MIGA1: variants seen among roughly 807,000 people sequenced by gnomAD.
The protein encoded by MIGA1 is family with sequence similarity 73, member A.
Under a neutral mutation model 82.0 loss-of-function variants are expected in MIGA1, and 58 were observed. That is an observed-to-expected ratio of 0.71 (90% CI 0.57 to 0.88). The LOEUF is 0.88. Among genes scored for constraint, MIGA1 ranks in the 40% least tolerant of loss-of-function variants. The probability of loss-of-function intolerance (pLI) is 0.00; values close to 1 mark genes in which losing one functional copy is unlikely to be tolerated. For missense variants in MIGA1, 751 were observed against 749.1 expected, an observed-to-expected ratio of 1.00 and a Z score of -0.03; for synonymous variants, 249 against 253.6, an observed-to-expected ratio of 0.98 and a Z score of 0.17.
chr1:77,800,775 T>G (rs912862814), intron 2 of MIGA1, among the ~76,000 whole-genome samples: 1 of 152,220 alleles, frequency 6.6e-6, no homozygotes, highest in Non-Finnish European at 1.5e-5. Context: ...TAGTGCTTCC[T>G]GATTGGTTGT....
intron 14 of MIGA1, among the ~76,000 whole-genome samples, chr1:77,870,080 C>T (rs1238977306): frequency 1.5e-4 from 17 of 114,462 alleles, no homozygotes; most frequent in Non-Finnish European, 2.3e-4. Context: ...GGCGGCTGGC[C>T]GGGCGGGGGG....
rs1018332773 is a variant in MIGA1, at chr1:77,814,865, A to G, written c.772-243A>G. ...AAGGACCTTACTTTGAGAACTGCCA[A>G]TCTAGTCTAACTCCTTAATTTTATA... On this transcript the variant is annotated intron_variant, in intron 6 of 15. Coordinates refer to ENST00000370791, the MANE Select transcript of MIGA1 (RefSeq NM_198549.4). Among the ~76,000 whole-genome samples, 4 of 152,182 alleles carry G rather than the reference A, an allele frequency of 2.6e-5. No individual in the cohort carries two copies. In the East Asian group the frequency reaches 5.8e-4, roughly 22 times the overall value.
At chr1:77,838,239 A>G (rs905722365) in intron 7 of MIGA1, among the ~76,000 whole-genome samples, 2 of 152,208 alleles carry the variant, frequency 1.3e-5, no homozygotes, top group African/African-American at 4.8e-5. Flanking sequence ...AACATTGCCA[A>G]CTTTCAAGAT....
chr1:77,861,653 G>T, intron 12 of MIGA1: 1 of 228,060 alleles, frequency 4.4e-6, no homozygotes, highest in Non-Finnish European at 8.6e-6. Flanking sequence ...GGACAGCTTT[G>T]GGTAGTACAA....
At chr1:77,783,900 A>C (rs531444763) in intron 2 of MIGA1, among the ~76,000 whole-genome samples, 1 of 152,328 alleles carries the variant, frequency 6.6e-6, no homozygotes, top group South Asian at 2.1e-4. Context: ...GTACCTCACA[A>C]GTAGAACCCT....
intron 2 of MIGA1, among the ~76,000 whole-genome samples, chr1:77,786,106 C>T (rs562249690): frequency 6.6e-6 from 1 of 152,370 alleles, no homozygotes; most frequent in East Asian, 1.9e-4. Context: ...GCAGCCTCAA[C>T]ACCATGTGGA....
intron 14 of MIGA1, among the ~76,000 whole-genome samples, chr1:77,869,148 AC>A (rs1685795170): frequency 6.7e-6 from 1 of 148,232 alleles, no homozygotes; most frequent in African/African-American, 2.5e-5. Flanking sequence ...ATGACTCTTA[AC>A]GAGCATGCTG....
intron 12 of MIGA1, chr1:77,862,209 G>T (rs1280748521): frequency 1.3e-5 from 2 of 148,550 alleles, no homozygotes; most frequent in Non-Finnish European, 3.0e-5. Flanking sequence ...CACTTTGGGA[G>T]GCTGAGGCGG....
At chr1:77,792,203 A>T (rs956812582) in intron 2 of MIGA1, among the ~76,000 whole-genome samples, 1 of 152,234 alleles carries the variant, frequency 6.6e-6, no homozygotes, top group Non-Finnish European at 1.5e-5. Context: ...TATGGGAAAC[A>T]TAAGAGTAAC....
At chr1:77,855,919 C>G (rs961567642) in intron 8 of MIGA1, among the ~76,000 whole-genome samples, 2 of 152,052 alleles carry the variant, frequency 1.3e-5, no homozygotes, top group Admixed American at 1.3e-4. Flanking sequence ...GCTAGGTCTT[C>G]CAGTACTATG....
intron 8 of MIGA1, among the ~76,000 whole-genome samples, chr1:77,845,492 TAA>T (rs918006838): frequency 1.3e-5 from 2 of 152,184 alleles, no homozygotes; most frequent in Admixed American, 6.5e-5. Context: ...TATTGTTTAA[TAA>T]AGTTTAATAA....
intron 7 of MIGA1, among the ~76,000 whole-genome samples, 190 bp downstream of exon 7, chr1:77,815,421 T>G (rs866495701): frequency 5.9e-5 from 9 of 152,206 alleles, no homozygotes; most frequent in African/African-American, 2.2e-4. Flanking sequence ...CTAATGCCCT[T>G]AAGATACAAA....
Position 77,877,745 on chromosome 1 carries a change from A to G in MIGA1, c.*2681A>G, listed in dbSNP as rs1053310267. The G allele has an allele frequency of 6.5e-6, 1 of 152,690 alleles. No individual in the cohort carries two copies. Among genetic ancestry groups the G allele is most frequent in the Non-Finnish European group, 1.5e-5 (1 of 68,046 alleles). 9.5% of individuals were successfully genotyped at this position (152,690 alleles called of 1,614,324 possible). On this transcript the variant is annotated 3_prime_UTR_variant, in exon 16 of 16. Coordinates refer to ENST00000370791, the MANE Select transcript of MIGA1 (RefSeq NM_198549.4). ...AATTGCACTATTTGATAATGCTGCT[A>G]CTACATGAGATAACTCTGGGGAATT...
At chr1:77,866,982 T>C (rs1424057720) in intron 14 of MIGA1, among the ~76,000 whole-genome samples, 1 of 152,036 alleles carries the variant, frequency 6.6e-6, no homozygotes, top group Non-Finnish European at 1.5e-5. Context: ...ACCTGGCCAG[T>C]ATTTTTTTAC....
At chr1:77,841,255 A>C (rs1054957889) in intron 7 of MIGA1, among the ~76,000 whole-genome samples, 4 of 152,132 alleles carry the variant, frequency 2.6e-5, no homozygotes, top group East Asian at 3.8e-4. Context: ...AAAAGGATTG[A>C]TGTAAACGTC....
chr1:77,832,778 A>G (rs753929259), intron 7 of MIGA1, among the ~76,000 whole-genome samples: 6 of 152,232 alleles, frequency 3.9e-5, no homozygotes, highest in Non-Finnish European at 7.3e-5. Context: ...TTTAGACAAA[A>G]GGGAGCCGTT....
intron 7 of MIGA1, among the ~76,000 whole-genome samples, chr1:77,837,544 G>A (rs578164411): frequency 6.6e-6 from 1 of 152,182 alleles, no homozygotes; most frequent in Non-Finnish European, 1.5e-5. Context: ...TCATCAAAGG[G>A]TTATTGTGGG....
At chr1:77,837,646 C>G (rs1337795838) in intron 7 of MIGA1, among the ~76,000 whole-genome samples, 1 of 152,194 alleles carries the variant, frequency 6.6e-6, no homozygotes, top group Non-Finnish European at 1.5e-5. Flanking sequence ...TTAATTGCAT[C>G]ACGCTTCTAT....
intron 4 of MIGA1, among the ~76,000 whole-genome samples, chr1:77,805,548 G>A (rs1451677266): frequency 6.8e-5 from 3 of 44,270 alleles, no homozygotes; most frequent in Non-Finnish European, 1.3e-4. Flanking sequence ...TTTTTTTTTT[G>A]AGATGGAATC....
Sources: gnomAD v4.1 joint callset for allele counts (sites outside exome capture counted in the v4.1 genomes callset) on GRCh38, gnomAD v4.1.1 for gene constraint, MANE v1.5 for transcripts, NCBI Gene and HGNC (gene_info 2026-07-23, HGNC 2026-07-21) for gene names.